SNX8: variants seen among roughly 807,000 people sequenced by gnomAD.
The protein encoded by SNX8 is sorting nexin-8.
A neutral mutation model predicts 51.6 loss-of-function variants in SNX8; 25 were observed. The observed-to-expected ratio is 0.48, with a 90% confidence interval of 0.35 to 0.68. The LOEUF (loss-of-function observed/expected upper bound fraction) is 0.68, where lower values mean the gene tolerates loss of function less well. SNX8 is among the 30% of genes least tolerant of loss of function. The pLI is 0.00. For missense variants in SNX8, 695 were observed against 624.0 expected (o/e 1.11, Z -1.21); for synonymous variants, 324 against 277.0 (o/e 1.17, Z -1.68).
At chr7:2,308,558 C>T (rs1004681276) in intron 1 of SNX8, among the ~76,000 whole-genome samples, 5 of 148,684 alleles carry the variant, frequency 3.4e-5, no homozygotes, top group South Asian at 2.2e-4. Flanking sequence ...ATCCCAACTA[C>T]GGGGGAGACT....
chr7:2,276,280 G>A (rs1047490314), intron 2 of SNX8, among the ~76,000 whole-genome samples: 2 of 152,176 alleles, frequency 1.3e-5, no homozygotes, highest in African/African-American at 2.4e-5. Flanking sequence ...CTGCTCCCCC[G>A]TGGCATCCCA....
chr7:2,344,033 C>CAA (rs61399367), intron 1 of SNX8, among the ~76,000 whole-genome samples: 95 of 58,950 alleles, frequency 1.6e-3, no homozygotes, highest in African/African-American at 5.1e-3. Flanking sequence ...AACTCCATCT[C>CAA]AAAAAAAAAA....
At chr7:2,339,140 G>A (rs545522866) in intron 1 of SNX8, among the ~76,000 whole-genome samples, 4 of 152,262 alleles carry the variant, frequency 2.6e-5, no homozygotes, top group African/African-American at 9.6e-5. Context: ...CTAGTCTCAA[G>A]CAAACCTCTC....
At chr7:2,338,292 C>G (rs1778866433) in intron 1 of SNX8, among the ~76,000 whole-genome samples, 1 of 152,008 alleles carries the variant, frequency 6.6e-6, no homozygotes, top group African/African-American at 2.4e-5. Context: ...GAAACTCTGA[C>G]TCTACTAAAA....
At chr7:2,277,295 A>G (rs540793798) in intron 2 of SNX8, among the ~76,000 whole-genome samples, 11 of 152,208 alleles carry the variant, frequency 7.2e-5, no homozygotes, top group Non-Finnish European at 1.5e-4. Flanking sequence ...CACCTGCCCA[A>G]TATCGGGATG....
intron 1 of SNX8, among the ~76,000 whole-genome samples, chr7:2,295,592 CAAAAAAAAAA>C (rs147853805): frequency 1.1e-5 from 1 of 93,542 alleles, no homozygotes; most frequent in Non-Finnish European, 2.2e-5. Flanking sequence ...GTAATCCCAG[CAAAAAAAAAA>C]AAAAAAAAAA....
intron 1 of SNX8, among the ~76,000 whole-genome samples, chr7:2,312,690 C>A (rs1054559599): frequency 6.6e-6 from 1 of 152,134 alleles, no homozygotes; most frequent in African/African-American, 2.4e-5. Context: ...CCAGAGCTCA[C>A]TTCAGTCATC....
intron 1 of SNX8, among the ~76,000 whole-genome samples, chr7:2,336,326 G>A (rs560915169): frequency 1.7e-4 from 26 of 152,124 alleles, no homozygotes; most frequent in African/African-American, 5.8e-4. Flanking sequence ...GCTTGAACTG[G>A]GTGGCGGAGT....
Position 2,271,919 on chromosome 7 carries a change from G to A in SNX8, c.471C>T (p.Asn157=). The A allele has an allele frequency of 6.2e-7, 1 of 1,614,116 alleles. No individual in the cohort carries two copies. Residue 157 remains asparagine, a synonymous_variant, in exon 4 of 11, where the codon AAC becomes AAT. Coordinates refer to ENST00000222990, the MANE Select transcript of SNX8 (RefSeq NM_013321.4). ...ARRRALKRFV[N]LVARHPLFSE... ...AGAACAGGGGGTGTCGCGCCACCAG[G>A]TTGACGAAGCGCTTCAGGGCTCTCC... is the stretch of plus-strand genomic sequence containing the variant.
intron 1 of SNX8, among the ~76,000 whole-genome samples, chr7:2,348,465 C>T (rs1031950228): frequency 2.0e-5 from 3 of 151,416 alleles, no homozygotes; most frequent in Admixed American, 6.6e-5. Context: ...CTCAGCCTCC[C>T]GAGTAGCTGG....
Position 2,257,370 on chromosome 7 carries a change from C to A in SNX8, c.1129G>T (p.Val377Leu). 1 of 1,606,352 alleles carries A rather than the reference C, an allele frequency of 6.2e-7. No homozygotes were observed. Residue 377 changes from valine to leucine, a missense_variant, in exon 9 of 11, where the codon GTG (valine) becomes TTG (leucine). Physicochemically the swap from Val to Leu is conservative, Grantham distance 32. Transcript: ENST00000222990. ...TCGGCCGCCCCGCCACCCACCTCCA[C>A]AATGCGGGACTCCAGCTGCTCCACG... is the stretch of plus-strand genomic sequence containing the variant. ...ESVEQLESRIVEQENAIQTME... is the reference protein window; with the variant it reads ...ESVEQLESRILEQENAIQTME...
intron 2 of SNX8, 37 bp downstream of exon 2, chr7:2,278,063 C>T: frequency 6.3e-7 from 1 of 1,597,744 alleles, no homozygotes; most frequent in Non-Finnish European, 8.6e-7. Flanking sequence ...CCTTTCTTCC[C>T]CCTCCTGCCC....
At chr7:2,276,613 G>T (rs1795786624) in intron 2 of SNX8, among the ~76,000 whole-genome samples, 1 of 143,966 alleles carries the variant, frequency 6.9e-6, no homozygotes, top group Non-Finnish European at 1.5e-5. Context: ...GACCAGCTGA[G>T]ACAACATAGC....
chr7:2,277,650 C>G (rs1795811623), intron 2 of SNX8, among the ~76,000 whole-genome samples: 1 of 150,366 alleles, frequency 6.7e-6, no homozygotes, highest in Admixed American at 6.6e-5. Flanking sequence ...AAAAAAAATA[C>G]AAAAAAATTT....
chr7:2,326,750 T>C (rs978280093), intron 1 of SNX8, among the ~76,000 whole-genome samples: 7 of 152,082 alleles, frequency 4.6e-5, no homozygotes, highest in African/African-American at 1.7e-4. Flanking sequence ...CTTGGTTTAA[T>C]ATTTCAAAAT....
intron 1 of SNX8, among the ~76,000 whole-genome samples, chr7:2,286,296 G>T (rs1044048358): frequency 6.6e-6 from 1 of 152,000 alleles, no homozygotes; most frequent in African/African-American, 2.4e-5. Flanking sequence ...ACAGACGAGA[G>T]CCACCTCACC....
rs1562432782 is a variant in SNX8 at position 2,275,710 on chromosome 7, T to TA, written c.301-482dup. ...AAGCGAGACCTTGTCTTAAAAAAAT[T>TA]AAAAAAGGCCGGGCGCGGTGGCTCA... On this transcript the variant is annotated intron_variant, in intron 2 of 10. Coordinates refer to ENST00000222990, the MANE Select transcript of SNX8 (RefSeq NM_013321.4). Among the ~76,000 whole-genome samples, 3 of 140,282 alleles carry TA rather than the reference T, an allele frequency of 2.1e-5. No individual in the cohort carries two copies. In the Admixed American group the frequency reaches 2.1e-4, roughly 10 times the overall value. 92.0% of individuals were successfully genotyped at this position (140,282 alleles called of 152,430 possible).
At chr7:2,272,033 G>T (rs1795659706) in intron 3 of SNX8, 62 bp from the exon 4 acceptor site, 2 of 1,600,864 alleles carry the variant, frequency 1.2e-6, no homozygotes, top group Non-Finnish European at 1.7e-6. Context: ...CTTCTGCTCT[G>T]GGCGAGTTCT....
At chr7:2,263,511 G>A in intron 6 of SNX8, 149 bp from the exon 7 acceptor site, 5 of 772,656 alleles carry the variant, frequency 6.5e-6, no homozygotes. Context: ...GGCCTGTGGG[G>A]ACCCTGGGAG....
Sources: gnomAD v4.1 joint callset for allele counts (sites outside exome capture counted in the v4.1 genomes callset) on GRCh38, gnomAD v4.1.1 for gene constraint, MANE v1.5 for transcripts, NCBI Gene and HGNC (gene_info 2026-07-23, HGNC 2026-07-21) for gene names.